ITGA9: variants seen among roughly 807,000 people sequenced by gnomAD.
ITGA9 encodes the protein integrin subunit alpha 9.
In ITGA9, 56 loss-of-function variants were observed where a neutral mutation model predicts 127.8. The ratio of observed to expected loss-of-function variants is 0.44; its 90% CI spans 0.35 to 0.55. The LOEUF (loss-of-function observed/expected upper bound fraction) is 0.55. Ranked by LOEUF, ITGA9 falls within the 20% of genes least tolerant of loss-of-function variation. The pLI is 0.00. For synonymous variants in ITGA9, 508 were observed against 514.5 expected (o/e 0.99, Z 0.17); for missense variants, 1,196 against 1,347.1 (o/e 0.89, Z 1.76).
intron 7 of ITGA9, 27 bp from the exon 8 acceptor site, chr3:37,508,532 C>T (rs999791687): frequency 6.4e-7 from 1 of 1,561,514 alleles, no homozygotes; most frequent in African/African-American, 1.4e-5. Context: ...TTCATCCTAA[C>T]TAGATTTTTT....
intron 3 of ITGA9, among the ~76,000 whole-genome samples, chr3:37,476,261 C>T (rs1698493043): frequency 1.3e-5 from 2 of 152,280 alleles, no homozygotes; most frequent in African/African-American, 2.4e-5. Flanking sequence ...AAGAAACCTC[C>T]ATACTATTTT....
chr3:37,620,269 A>T (rs1396492716), intron 15 of ITGA9, among the ~76,000 whole-genome samples: 1 of 152,150 alleles, frequency 6.6e-6, no homozygotes, highest in Non-Finnish European at 1.5e-5. Context: ...AGTTCTCCTG[A>T]GAAAGTTGTG....
intron 23 of ITGA9, among the ~76,000 whole-genome samples, chr3:37,768,788 G>GT (rs577459133): frequency 0.011 from 1,641 of 143,882 alleles, 12 homozygotes; most frequent in Middle Eastern, 0.021. Context: ...TACCTTTTAG[G>GT]TTTTTTTTTT....
At chr3:37,598,627 G>T (rs1026764571) in intron 15 of ITGA9, among the ~76,000 whole-genome samples, 2 of 152,148 alleles carry the variant, frequency 1.3e-5, no homozygotes, top group African/African-American at 4.8e-5. Flanking sequence ...TTAGCCCTGA[G>T]ATACACTGCT....
intron 16 of ITGA9, among the ~76,000 whole-genome samples, chr3:37,652,299 C>T (rs1243523208): frequency 4.6e-5 from 7 of 152,134 alleles, no homozygotes; most frequent in African/African-American, 7.2e-5. Flanking sequence ...TTGCCTGAGA[C>T]GTTCATGCCA....
intron 15 of ITGA9, among the ~76,000 whole-genome samples, chr3:37,552,876 A>G (rs778116238): frequency 6.6e-6 from 1 of 152,016 alleles, no homozygotes; most frequent in Non-Finnish European, 1.5e-5. Context: ...TTAGCTGGGC[A>G]TGGTGGTGGG....
At chr3:37,810,126 A>G (rs1281609301) in intron 27 of ITGA9, among the ~76,000 whole-genome samples, 1 of 152,216 alleles carries the variant, frequency 6.6e-6, no homozygotes, top group Non-Finnish European at 1.5e-5. Flanking sequence ...CTTCTAGAGT[A>G]GCTCTTGGCA....
intron 18 of ITGA9, among the ~76,000 whole-genome samples, chr3:37,685,143 C>T (rs1477617726): frequency 6.6e-6 from 1 of 152,196 alleles, no homozygotes; most frequent in Non-Finnish European, 1.5e-5. Context: ...AACCTTCACT[C>T]TGCCCACCGA....
chr3:37,612,216 C>T (rs112473549), intron 15 of ITGA9, among the ~76,000 whole-genome samples: 28 of 152,240 alleles, frequency 1.8e-4, no homozygotes, highest in African/African-American at 5.5e-4. Context: ...TGTGCGTGGA[C>T]GCCTTTGGCC....
chr3:37,679,507 TG>T lies in ITGA9; in HGVS notation c.1917-4356del, dbSNP rs1700714505. Among the ~76,000 whole-genome samples, 6 of 144,184 alleles carry T rather than the reference TG, an allele frequency of 4.2e-5. No individual in the cohort carries two copies. The South Asian group carries it at 1.3e-3, about 31-fold the overall frequency. 94.6% of individuals were successfully genotyped at this position (144,184 alleles called of 152,430 possible). A position where few individuals can be genotyped will look rare whatever the true frequency, so the allele number is the denominator to read the frequency against. On this transcript the variant is annotated intron_variant, in intron 17 of 27. Coordinates refer to ENST00000264741, the MANE Select transcript of ITGA9 (RefSeq NM_002207.3). ...TGCTAGTTGCAACTCAGACCCTGCA[TG>T]GCCGGGTGACCTCAGTTGGGTGGGT...
intron 20 of ITGA9, among the ~76,000 whole-genome samples, chr3:37,740,298 C>T (rs1245334605): frequency 6.6e-6 from 1 of 152,094 alleles, no homozygotes; most frequent in African/African-American, 2.4e-5. Context: ...GTCTAGGGGA[C>T]TCTTTTCTTC....
chr3:37,805,489 C>T (rs1559603971), intron 27 of ITGA9, among the ~76,000 whole-genome samples: 1 of 152,146 alleles, frequency 6.6e-6, no homozygotes. Context: ...CTCATCCAGT[C>T]CCCTGATACT....
At chr3:37,466,499 A>G (rs1698373025) in intron 1 of ITGA9, among the ~76,000 whole-genome samples, 1 of 148,606 alleles carries the variant, frequency 6.7e-6, no homozygotes, top group Admixed American at 6.7e-5. Flanking sequence ...AAAAAAAAAA[A>G]AAAAAAAAAA....
At position 37,510,271 on chromosome 3, in the gene ITGA9, C is replaced by A. The variant is rs372177210; in HGVS notation, c.897+1644C>A. Reference sequence around the variant, plus strand: ...CCACCCACCTTGGCCTCCCAGAGTGCGGGATGATAGGCATGAGCCACCGCA... The same window carrying A: ...CCACCCACCTTGGCCTCCCAGAGTGAGGGATGATAGGCATGAGCCACCGCA... On this transcript the variant is annotated intron_variant, in intron 8 of 27. Coordinates refer to ENST00000264741, the MANE Select transcript of ITGA9 (RefSeq NM_002207.3). Among the ~76,000 whole-genome samples, 74 of 152,088 alleles carry A rather than the reference C, an allele frequency of 4.9e-4. No individual in the cohort carries two copies. The East Asian group carries it at 7.3e-3, about 15-fold the overall frequency.
intron 18 of ITGA9, among the ~76,000 whole-genome samples, chr3:37,695,900 C>A: frequency 6.6e-6 from 1 of 152,200 alleles, no homozygotes; most frequent in Non-Finnish European, 1.5e-5. Flanking sequence ...CCCACAGGAA[C>A]CCCATTCCTT....
At chr3:37,522,328 C>T (rs949599608) in intron 11 of ITGA9, among the ~76,000 whole-genome samples, 3 of 152,132 alleles carry the variant, frequency 2.0e-5, no homozygotes, top group East Asian at 1.9e-4. Flanking sequence ...TGAGGAACTG[C>T]GCCACACGAA....
Position 37,629,111 on chromosome 3 carries a change from CT to C in ITGA9, c.1690-73del, listed in dbSNP as rs1700204635. On this transcript the variant is annotated intron_variant, in intron 15 of 27. Transcript: ENST00000264741. This position sits in a 1 kb window ranked among gnomAD's most constrained non-coding sequence, Gnocchi z 4.5. ...ATATGAGGCAATTCATGTAGAAGGT[CT>C]TTGTAAACTGTGAAATGCTCTACGA... is the stretch of plus-strand genomic sequence containing the variant. The C allele has an allele frequency of 6.5e-7, 1 of 1,547,904 alleles. No homozygotes were observed. Among genetic ancestry groups the C allele is most frequent in the South Asian group, 1.1e-5 (1 of 89,400 alleles).
intron 5 of ITGA9, among the ~76,000 whole-genome samples, chr3:37,500,485 C>T (rs1698776790): frequency 6.6e-6 from 1 of 152,182 alleles, no homozygotes; most frequent in Non-Finnish European, 1.5e-5. Context: ...CATCTGTGTT[C>T]CTGCCCTATC....
intron 11 of ITGA9, 67 bp downstream of exon 11, chr3:37,519,421 C>T (rs1699022653): frequency 1.7e-6 from 2 of 1,204,976 alleles, no homozygotes. Context: ...ATGGAACCTT[C>T]ATTATGCACC....
Sources: gnomAD v4.1 joint callset for allele counts (sites outside exome capture counted in the v4.1 genomes callset) on GRCh38, gnomAD v4.1.1 for gene constraint, Gnocchi (gnomAD v3.1) non-coding constraint, MANE v1.5 for transcripts, NCBI Gene and HGNC (gene_info 2026-07-23, HGNC 2026-07-21) for gene names.